VPS53: variants seen among roughly 807,000 people sequenced by gnomAD.
VPS53 encodes the protein VPS53 subunit of GARP complex.
A neutral mutation model predicts 107.0 loss-of-function variants in VPS53; 70 were observed. The ratio of observed to expected loss-of-function variants is 0.65; its 90% CI spans 0.54 to 0.80. The LOEUF (loss-of-function observed/expected upper bound fraction) is 0.80, where lower values mean the gene tolerates loss of function less well. VPS53 is among the 30% of genes least tolerant of loss of function. VPS53 has a pLI of 0.00. For missense variants in VPS53, 917 were observed against 1,049.4 expected, an observed-to-expected ratio of 0.87 and a Z score of 1.74; for synonymous variants, 409 against 393.3, an observed-to-expected ratio of 1.04 and a Z score of -0.47.
At chr17:558,371 C>T (rs1317147916) in intron 15 of VPS53, among the ~76,000 whole-genome samples, 3 of 152,148 alleles carry the variant, frequency 2.0e-5, no homozygotes, top group South Asian at 2.1e-4. Flanking sequence ...CAGTGGCTCA[C>T]GTCTGTAATC....
chr17:556,285 A>T (rs991719880), intron 15 of VPS53, among the ~76,000 whole-genome samples: 1 of 152,154 alleles, frequency 6.6e-6, no homozygotes, highest in African/African-American at 2.4e-5. Context: ...ATATTAAACA[A>T]AAAGAATCTG....
chr17:572,619 G>A (rs1914271322), intron 13 of VPS53, among the ~76,000 whole-genome samples: 2 of 151,912 alleles, frequency 1.3e-5, no homozygotes, highest in South Asian at 2.1e-4. Context: ...TTGAGAAATC[G>A]GATGGTTGCC....
chr17:647,381 C>T (rs62053770), intron 7 of VPS53, among the ~76,000 whole-genome samples: 11,693 of 152,278 alleles, frequency 0.077, 571 homozygotes, highest in Non-Finnish European at 0.11. Context: ...TATTTCTTAT[C>T]TTTGTGCCTT....
Position 509,433 on chromosome 17 carries a change from A to AC in VPS53, c.*9694dup, listed in dbSNP as rs57495567. 45,998 of 100,016 alleles carry AC rather than the reference A, an allele frequency of 0.46. 11,337 individuals carry two copies. Among genetic ancestry groups the AC allele is most frequent in the African/African-American group, 0.74 (24,477 of 32,946 alleles). The allele number at this position is 100,016 out of a possible 1,614,324, so 6.2% of individuals were successfully genotyped here. A position where few individuals can be genotyped will look rare whatever the true frequency, so the allele number is the denominator to read the frequency against. On this transcript the variant is annotated 3_prime_UTR_variant, in exon 22 of 22. Coordinates refer to ENST00000437048, the MANE Select transcript of VPS53 (RefSeq NM_001128159.3). ...CTAGTCACATATCAAATCCTGGCTG[A>AC]CCCCTTACTAGTCACGTATCGAATC...
intron 12 of VPS53, among the ~76,000 whole-genome samples, chr17:596,361 TC>T (rs1404152686): frequency 2.6e-5 from 4 of 152,184 alleles, no homozygotes; most frequent in Non-Finnish European, 2.9e-5. Flanking sequence ...CTCATCTTGT[TC>T]AGTCTGCCAC....
chr17:622,551 A>G (rs1969512742), intron 11 of VPS53, among the ~76,000 whole-genome samples: 1 of 152,142 alleles, frequency 6.6e-6, no homozygotes, highest in African/African-American at 2.4e-5. Context: ...AGTCAGCTAC[A>G]ATTCCTGTAT....
chr17:645,929 G>A (rs1289340133), intron 7 of VPS53, among the ~76,000 whole-genome samples: 7 of 135,514 alleles, frequency 5.2e-5, no homozygotes, highest in Non-Finnish European at 1.1e-4. Context: ...ACCACGGACT[G>A]GAGACTGGCT....
In VPS53 at chr17:679,187, T is replaced by C. The variant is rs191126002; in HGVS notation, c.286-17292A>G. Among the ~76,000 whole-genome samples the C allele has an allele frequency of 5.9e-5, 9 of 152,006 alleles. No homozygotes were observed. In the South Asian group the frequency reaches 1.5e-3, roughly 25 times the overall value. ...AAATTCTGGCTGTTTTAATCTAGGA[T>C]TGGGGGTGTGGGAAAGAGAAAACAT... On this transcript the variant is annotated intron_variant, in intron 4 of 21. Coordinates refer to ENST00000437048, the MANE Select transcript of VPS53 (RefSeq NM_001128159.3).
At chr17:571,529 TACGGTCTCCCTCTCCCC>T (rs145168445) in intron 13 of VPS53, among the ~76,000 whole-genome samples, 5,232 of 145,118 alleles carry the variant, frequency 0.036, 113 homozygotes, top group African/African-American at 0.051. Context: ...TCCCTCTCCC[TACGGTCTCCCTCTCCCC>T]ACGGTCTCCC....
At chr17:575,988 G>A (rs555519046) in intron 13 of VPS53, among the ~76,000 whole-genome samples, 9 of 136,600 alleles carry the variant, frequency 6.6e-5, no homozygotes, top group African/African-American at 8.3e-5. Flanking sequence ...TAATGCATTC[G>A]CAGAGAACCT....
intron 13 of VPS53, among the ~76,000 whole-genome samples, chr17:578,967 G>C (rs1914913483): frequency 6.7e-6 from 1 of 149,930 alleles, no homozygotes; most frequent in Admixed American, 6.6e-5. Context: ...TCCTCCCTCA[G>C]AACCTAATGC....
At chr17:607,571 T>A (rs1229268784) in intron 11 of VPS53, among the ~76,000 whole-genome samples, 13 of 152,204 alleles carry the variant, frequency 8.5e-5, no homozygotes, top group Admixed American at 7.9e-4. Context: ...CAGGCTTGCT[T>A]TGCAGCTGTC....
intron 19 of VPS53, chr17:523,191 C>G (rs1908879315): frequency 6.5e-6 from 1 of 152,840 alleles, no homozygotes; most frequent in South Asian, 2.1e-4. Flanking sequence ...GCCGCCGCTG[C>G]TCTTGGCAAC....
intron 7 of VPS53, among the ~76,000 whole-genome samples, chr17:642,582 AACTG>A (rs1338434139): frequency 0.013 from 2,011 of 150,256 alleles, 60 homozygotes; most frequent in East Asian, 0.054. Flanking sequence ...CATACTTGGC[AACTG>A]AGGACAACAC....
At chr17:575,125 G>C (rs1414073827) in intron 13 of VPS53, among the ~76,000 whole-genome samples, 2 of 151,982 alleles carry the variant, frequency 1.3e-5, no homozygotes, top group African/African-American at 4.8e-5. Flanking sequence ...TTGGTGGTGG[G>C]CTGATGGGGA....
At chr17:571,653 C>T (rs1914100671) in intron 13 of VPS53, among the ~76,000 whole-genome samples, 1 of 152,214 alleles carries the variant, frequency 6.6e-6, no homozygotes, top group Admixed American at 6.5e-5. Context: ...CCTGATTCTC[C>T]TGCCTCAGCC....
intron 7 of VPS53, among the ~76,000 whole-genome samples, chr17:638,363 T>G (rs902925113): frequency 6.6e-6 from 1 of 152,232 alleles, no homozygotes; most frequent in African/African-American, 2.4e-5. Flanking sequence ...TCTTGACTCT[T>G]GAGCCAATTT....
At chr17:703,344 C>T (rs1049092441) in intron 2 of VPS53, among the ~76,000 whole-genome samples, 1 of 152,166 alleles carries the variant, frequency 6.6e-6, no homozygotes, top group Non-Finnish European at 1.5e-5. Flanking sequence ...TGCAGAGATC[C>T]TCTTTCTTAC....
At chr17:597,544 G>A (rs1409662769) in intron 12 of VPS53, among the ~76,000 whole-genome samples, 1 of 152,072 alleles carries the variant, frequency 6.6e-6, no homozygotes, top group Non-Finnish European at 1.5e-5. Context: ...AGATTAGGGG[G>A]TTTAGTTGTT....
Sources: gnomAD v4.1 joint callset for allele counts (sites outside exome capture counted in the v4.1 genomes callset) on GRCh38, gnomAD v4.1.1 for gene constraint, MANE v1.5 for transcripts, NCBI Gene and HGNC (gene_info 2026-07-23, HGNC 2026-07-21) for gene names.